The following SMAP2 variants were observed in gnomAD, a reference collection of about 807,000 sequenced individuals.
SMAP2 encodes stromal membrane-associated protein 2.
SMAP2 carries 25 observed loss-of-function variants against 56.4 expected under a neutral mutation model. The observed-to-expected ratio is 0.44, with a 90% CI of 0.32 to 0.62. The LOEUF (loss-of-function observed/expected upper bound fraction) is 0.62, where lower values mean the gene tolerates loss of function less well. Among genes scored for constraint, SMAP2 ranks in the 20% least tolerant of loss-of-function variants. The pLI is 0.04. For synonymous variants in SMAP2, 157 were observed against 181.7 expected (o/e 0.86, Z 1.09); for missense variants, 388 against 545.6 (o/e 0.71, Z 2.88).
chr1:40,393,483 G>A (rs559611572), intron 1 of SMAP2: 2 of 1,524,598 alleles, frequency 1.3e-6, no homozygotes, highest in Admixed American at 4.0e-5. Flanking sequence ...AATAGGCCCT[G>A]TAAAGCTATT....
rs209606 is a variant in SMAP2 at position 40,415,369 on chromosome 1, C to G, written c.669C>G (p.Ser223=). ...LLASVPSPSS[S]GSRKVVGSMP... is the part of the protein sequence containing the mutation. Reference sequence around the variant, plus strand: ...CCTCTGTTCCATCCCCTTCTTCTTCCGGTTCCAGAAAGGTGAGTCTTGTGG... The same window carrying G: ...CCTCTGTTCCATCCCCTTCTTCTTCGGGTTCCAGAAAGGTGAGTCTTGTGG... Residue 223 remains serine (S), a synonymous_variant, in exon 7 of 10, where the codon TCC becomes TCG. Coordinates refer to ENST00000372718, the MANE Select transcript of SMAP2 (RefSeq NM_022733.3). The G allele has an allele frequency of 0.89, 1,429,666 of 1,610,184 alleles. 635,835 individuals carry two copies. The highest frequency in any genetic ancestry group is 0.98 in the African/African-American group (73,515 of 74,948).
intron 1 of SMAP2, among the ~76,000 whole-genome samples, chr1:40,347,037 TTTA>T: frequency 6.7e-6 from 1 of 150,026 alleles, no homozygotes; most frequent in Admixed American, 6.7e-5. Flanking sequence ...TATTTATTTA[TTTA>T]TTTATTTATT....
rs755310381 is a variant in SMAP2 at position 40,385,918 on chromosome 1, G to A, written c.103+11695G>A. 6.6e-6 allele frequency among the ~76,000 whole-genome samples: 1 copy of A among 152,222 alleles called. No homozygotes were observed. The highest frequency in any genetic ancestry group is 1.5e-5 in the Non-Finnish European group (1 of 68,030). Reference sequence around the variant, plus strand: ...AGTTCTCTAGTGTTTCTAGTTTTGAGTTAAGGAAGTTTTGTCTTGATATTG... The same window carrying A: ...AGTTCTCTAGTGTTTCTAGTTTTGAATTAAGGAAGTTTTGTCTTGATATTG... On this transcript the variant is annotated intron_variant, in intron 1 of 9. Transcript: ENST00000372718. The surrounding 1 kb of genome is among the most constrained non-coding windows in gnomAD (Gnocchi z 4.5).
At position 40,403,323 on chromosome 1, in the gene SMAP2, A is replaced by T. The variant is rs976844355; in HGVS notation, c.104-3413A>T. On this transcript the variant is annotated intron_variant, in intron 1 of 9. Coordinates refer to ENST00000372718, the MANE Select transcript of SMAP2 (RefSeq NM_022733.3). ...GAGTTTGAGACCAGCCTGGCCAACA[A>T]GGCGAAACCCCGTCTCTACTAAAAT... is the stretch of plus-strand genomic sequence containing the variant. Among the ~76,000 whole-genome samples, 14 of 152,160 alleles carry T rather than the reference A, an allele frequency of 9.2e-5. 1 individual carries two copies. The highest frequency in any genetic ancestry group is 5.8e-4 in the East Asian group (3 of 5,160).
In SMAP2 at chr1:40,419,590, T is replaced by G. The variant is rs565048949; in HGVS notation, c.1165-2386T>G. On this transcript the variant is annotated intron_variant, in intron 9 of 9. Coordinates refer to ENST00000372718, the MANE Select transcript of SMAP2 (RefSeq NM_022733.3). ...ATGAGCCACTGCGCCCAGCTGAGAA[T>G]TTTTAAAAACAGACTACAAAGTGCA... Among the ~76,000 whole-genome samples the G allele has an allele frequency of 4.6e-5, 7 of 152,252 alleles. No homozygotes were observed. In the South Asian group the frequency reaches 1.2e-3, roughly 27 times the overall value.
chr1:40,350,643 A>G (rs1283908747), intron 1 of SMAP2, among the ~76,000 whole-genome samples: 1 of 152,174 alleles, frequency 6.6e-6, no homozygotes, highest in Non-Finnish European at 1.5e-5. Flanking sequence ...TAGGGCCCCA[A>G]CCTGTGAATC....
intron 1 of SMAP2, chr1:40,375,744 C>T (rs949417793): frequency 4.1e-6 from 4 of 978,324 alleles, no homozygotes; most frequent in East Asian, 1.1e-4. Flanking sequence ...CCTCATTTGA[C>T]AGATCTTGAG....
At chr1:40,346,342 C>A (rs1644385859) in intron 1 of SMAP2, among the ~76,000 whole-genome samples, 1 of 151,964 alleles carries the variant, frequency 6.6e-6, no homozygotes. Flanking sequence ...CCTTTGGATA[C>A]TGCTAGAATA....
Position 40,403,582 on chromosome 1 carries a change from C to T in SMAP2, c.104-3154C>T, listed in dbSNP as rs530014476. On this transcript the variant is annotated intron_variant, in intron 1 of 9. Coordinates refer to ENST00000372718, the MANE Select transcript of SMAP2 (RefSeq NM_022733.3). ...TATATTACATATATGAATGAGTTAA[C>T]TGGCCCTTATCAGGAAGATGGATGG... 3.6e-6 allele frequency: 3 copies of T among 837,770 alleles called. No individual in the cohort carries two copies. The African/African-American group carries it at 5.5e-5, about 15-fold the overall frequency. The allele number at this position is 837,770 out of a possible 1,614,324, so 51.9% of individuals were successfully genotyped here.
intron 1 of SMAP2, among the ~76,000 whole-genome samples, chr1:40,378,881 A>G (rs1273546382): frequency 6.6e-6 from 1 of 152,220 alleles, no homozygotes; most frequent in Non-Finnish European, 1.5e-5. Flanking sequence ...CCAAAGGGGA[A>G]TATGTACGGT....
intron 1 of SMAP2, among the ~76,000 whole-genome samples, chr1:40,376,359 T>A (rs1158963726): frequency 1.3e-5 from 2 of 152,224 alleles, no homozygotes; most frequent in African/African-American, 4.8e-5. Flanking sequence ...CTTTATTAAC[T>A]ACTGTTGATG....
chr1:40,345,888 GTATTA>G (rs56769230), intron 1 of SMAP2, among the ~76,000 whole-genome samples: 2,452 of 120,072 alleles, frequency 0.02, 28 homozygotes, highest in Admixed American at 0.027. Flanking sequence ...ATATTGTATT[GTATTA>G]TATTATATTA....
chr1:40,347,980 T>A (rs1305564647), intron 1 of SMAP2, among the ~76,000 whole-genome samples: 1 of 152,128 alleles, frequency 6.6e-6, no homozygotes, highest in Non-Finnish European at 1.5e-5. Context: ...GTGTTTTCAA[T>A]TTCTCACTAT....
In SMAP2 at chr1:40,416,350, C is replaced by T. The variant is rs779702499; in HGVS notation, c.847+9C>T. On this transcript the variant is annotated intron_variant, in intron 8 of 9. Transcript: ENST00000372718. ...TCAAATGCCTACTCAAGGTAGATTT[C>T]ATGGGTGTCATGGCCATGTGCCAGG... 6.2e-7 allele frequency: 1 copy of T among 1,610,312 alleles called. No homozygotes were observed. The highest frequency in any genetic ancestry group is 2.2e-5 in the East Asian group (1 of 44,838).
intron 1 of SMAP2, among the ~76,000 whole-genome samples, chr1:40,354,269 A>G (rs887441101): frequency 6.6e-6 from 1 of 152,146 alleles, no homozygotes. Context: ...CCTCAACAGG[A>G]AATGTCTCAA....
Position 40,408,707 on chromosome 1 carries a change from C to T in SMAP2, c.292C>T (p.Pro98Ser), listed in dbSNP as rs1176107767. 1 of 1,613,972 alleles carries T rather than the reference C, an allele frequency of 6.2e-7. No homozygotes were observed. ...KANRLYEAYL[P>S]ETFRRPQIDP... ...AAACCGACTTTATGAAGCCTATCTT[C>T]CTGAGACCTTTCGGCGACCTCAGAT... The change falls in exon 3 of 10, where the codon CCT becomes TCT. Residue 98 changes from proline (P) to serine (S), a missense_variant. By Grantham distance (74) the Pro-to-Ser change is moderately conservative. Transcript: ENST00000372718. The surrounding 1 kb of genome is among the most constrained non-coding windows in gnomAD (Gnocchi z 4.3).
chr1:40,356,089 GTC>G (rs368043365), intron 1 of SMAP2, among the ~76,000 whole-genome samples: 78 of 152,234 alleles, frequency 5.1e-4, no homozygotes, highest in African/African-American at 1.8e-3. Flanking sequence ...TGTGAAGTTT[GTC>G]TTTCTGTGCC....
chr1:40,353,347 G>A (rs1198863470), intron 1 of SMAP2, among the ~76,000 whole-genome samples: 1 of 152,140 alleles, frequency 6.6e-6, no homozygotes, highest in African/African-American at 2.4e-5. Flanking sequence ...ACTTGAATGT[G>A]CACCAGAATA....
intron 9 of SMAP2, among the ~76,000 whole-genome samples, chr1:40,419,601 A>G (rs1645023527): frequency 6.6e-6 from 1 of 152,230 alleles, no homozygotes. Context: ...TTTTAAAAAC[A>G]GACTACAAAG....
Sources: allele counts gnomAD v4.1 joint callset (sites outside exome capture counted in the v4.1 genomes callset), GRCh38; gene constraint gnomAD v4.1.1; non-coding constraint Gnocchi (gnomAD v3.1); transcripts MANE v1.5; gene names NCBI Gene and HGNC (gene_info 2026-07-23, HGNC 2026-07-21).